Variants in MSN observed in about 807,000 individuals in gnomAD.
MSN encodes the protein moesin.
MSN carries 2 observed loss-of-function variants against 48.0 expected under a neutral mutation model. That is an observed-to-expected ratio of 0.04 (90% CI 0.02 to 0.13). The LOEUF is 0.13. Among genes scored for constraint, MSN ranks in the 10% least tolerant of loss-of-function variants. MSN has a pLI of 1.00. For synonymous variants in MSN, 146 were observed against 166.9 expected, an observed-to-expected ratio of 0.87 and a Z score of 0.97; for missense variants, 267 against 470.1, an observed-to-expected ratio of 0.57 and a Z score of 3.99.
At chrX:65,600,489 C>CT (rs1348112902) in intron 1 of MSN, among the ~76,000 whole-genome samples, 2 of 111,998 alleles carry the variant, frequency 1.8e-5, no homozygotes, top group Non-Finnish European at 3.8e-5. Context: ...ATTGTGTTTG[C>CT]TAAGCTAGGC....
intron 1 of MSN, among the ~76,000 whole-genome samples, chrX:65,618,093 C>A (rs1257450201): frequency 1.8e-5 from 2 of 111,297 alleles, no homozygotes; most frequent in Admixed American, 1.9e-4. Flanking sequence ...AATTTCTGTT[C>A]TTTTACATTT....
chrX:65,730,967 C>T (rs2071616368), intron 4 of MSN, 140 bp from the exon 5 acceptor site: 5 of 413,233 alleles, frequency 1.2e-5, no homozygotes, highest in South Asian at 5.1e-5. Context: ...GCTATAATTT[C>T]GGTCTGCTTC....
At chrX:65,675,550 G>A (rs1477444628) in intron 1 of MSN, among the ~76,000 whole-genome samples, 3 of 111,840 alleles carry the variant, frequency 2.7e-5, no homozygotes, top group East Asian at 2.8e-4. Context: ...ACTCTTTCTA[G>A]GGTAATTTGG....
At chrX:65,713,791 C>T (rs1336096308) in intron 1 of MSN, among the ~76,000 whole-genome samples, 1 of 111,520 alleles carries the variant, frequency 9.0e-6, no homozygotes, top group Non-Finnish European at 1.9e-5. Context: ...CCACCCTCCA[C>T]CTTCTATGTG....
At chrX:65,724,531 G>A (rs187704321) in intron 2 of MSN, among the ~76,000 whole-genome samples, 1 of 111,692 alleles carries the variant, frequency 9.0e-6, no homozygotes, top group African/African-American at 3.3e-5. Flanking sequence ...TCTCACTCCT[G>A]GGATTTCTGG....
intron 1 of MSN, among the ~76,000 whole-genome samples, chrX:65,654,679 T>C (rs1381260966): frequency 8.9e-6 from 1 of 111,742 alleles, no homozygotes; most frequent in Non-Finnish European, 1.9e-5. Flanking sequence ...AATGTGCAGC[T>C]ATCTTGCTAT....
intron 1 of MSN, among the ~76,000 whole-genome samples, chrX:65,620,553 C>G (rs991495362): frequency 8.8e-6 from 1 of 113,360 alleles, no homozygotes; most frequent in Non-Finnish European, 1.9e-5. Context: ...GGCAATGCCT[C>G]GTCCTGCTTC....
At chrX:65,604,399 A>G (rs1416436544) in intron 1 of MSN, among the ~76,000 whole-genome samples, 2 of 111,868 alleles carry the variant, frequency 1.8e-5, no homozygotes, top group Admixed American at 9.5e-5. Context: ...AATCATCAGC[A>G]TAAAGATGGC....
intron 1 of MSN, among the ~76,000 whole-genome samples, chrX:65,626,182 C>G (rs1005189234): frequency 2.7e-5 from 3 of 111,055 alleles, no homozygotes; most frequent in Non-Finnish European, 3.8e-5. Flanking sequence ...TCTCGATCTC[C>G]TGACATTGTG....
At chrX:65,738,186 C>T (rs1434116973) in intron 10 of MSN, among the ~76,000 whole-genome samples, 1 of 112,509 alleles carries the variant, frequency 8.9e-6, no homozygotes, top group East Asian at 2.8e-4. Context: ...GGATCTGCCA[C>T]TTCAGGAAGT....
At chrX:65,636,537 C>T (rs2070600575) in intron 1 of MSN, among the ~76,000 whole-genome samples, 1 of 108,020 alleles carries the variant, frequency 9.3e-6, no homozygotes, top group African/African-American at 3.4e-5. Context: ...AGGAGTTCAG[C>T]AGCTCGAGAC....
chrX:65,703,715 C>T (rs1208835992), intron 1 of MSN, among the ~76,000 whole-genome samples: 1 of 111,737 alleles, frequency 8.9e-6, no homozygotes, highest in Non-Finnish European at 1.9e-5. Flanking sequence ...GCTGGGACTA[C>T]AGGCGTGCGC....
At chrX:65,705,169 G>A (rs1185410852) in intron 1 of MSN, among the ~76,000 whole-genome samples, 1 of 111,470 alleles carries the variant, frequency 9.0e-6, no homozygotes, top group Non-Finnish European at 1.9e-5. Context: ...TTCCCCAGCT[G>A]TATGTTGCAA....
intron 1 of MSN, among the ~76,000 whole-genome samples, chrX:65,618,860 C>T (rs1329509108): frequency 9.0e-6 from 1 of 111,264 alleles, no homozygotes; most frequent in Non-Finnish European, 1.9e-5. Context: ...TGTTCCTTTC[C>T]ATGTTTAGTG....
intron 1 of MSN, among the ~76,000 whole-genome samples, chrX:65,629,728 A>G (rs898857818): frequency 6.3e-5 from 7 of 111,672 alleles, no homozygotes; most frequent in African/African-American, 2.3e-4. Flanking sequence ...CTTATTCACT[A>G]TCATGAGAAT....
intron 1 of MSN, among the ~76,000 whole-genome samples, chrX:65,714,608 G>A (rs2071445389): frequency 8.9e-6 from 1 of 111,759 alleles, no homozygotes; most frequent in Non-Finnish European, 1.9e-5. Context: ...CCACATGTAT[G>A]TCTTCTTTTG....
chrX:65,700,380 TGG>T (rs972037175), intron 1 of MSN, among the ~76,000 whole-genome samples: 28 of 111,768 alleles, frequency 2.5e-4, no homozygotes, highest in Middle Eastern at 9.1e-3. Context: ...TGGTTTCTAT[TGG>T]GGTTTTCTAG....
intron 1 of MSN, among the ~76,000 whole-genome samples, chrX:65,709,955 C>T (rs2071398226): frequency 8.9e-6 from 1 of 112,021 alleles, no homozygotes; most frequent in African/African-American, 3.2e-5. Flanking sequence ...AAGGCCCAAC[C>T]TTCTAGCATA....
chrX:65,602,490 TC>T (rs2070244465), intron 1 of MSN, among the ~76,000 whole-genome samples: 1 of 90,324 alleles, frequency 1.1e-5, no homozygotes, highest in African/African-American at 8.7e-5. Context: ...AGGAATGCTC[TC>T]CAGCTCCACT....
Sources: allele counts gnomAD v4.1 joint callset (sites outside exome capture counted in the v4.1 genomes callset), GRCh38; gene constraint gnomAD v4.1.1; transcripts MANE v1.5; gene names NCBI Gene and HGNC (gene_info 2026-07-23, HGNC 2026-07-21).